LAMA4: variants seen among roughly 807,000 people sequenced by gnomAD.
LAMA4 encodes laminin subunit alpha 4.
LAMA4 carries 127 observed loss-of-function variants against 207.1 expected under a neutral mutation model. That is an observed-to-expected ratio of 0.61 (90% CI 0.53 to 0.71). LAMA4 has a LOEUF of 0.71. Ranked by LOEUF, LAMA4 falls within the 30% of genes least tolerant of loss-of-function variation. The pLI is 0.00. For missense variants in LAMA4, 2,093 were observed against 2,246.5 expected (o/e 0.93, Z 1.38); for synonymous variants, 761 against 816.0 (o/e 0.93, Z 1.15).
chr6:112,192,988 C>A (rs1554349564), intron 5 of LAMA4, among the ~76,000 whole-genome samples: 1 of 152,152 alleles, frequency 6.6e-6, no homozygotes, highest in Non-Finnish European at 1.5e-5. Context: ...TGATTCAAAC[C>A]TTGTAAGAGT....
intron 2 of LAMA4, chr6:112,234,812 T>A (rs1554365496): frequency 6.6e-6 from 1 of 152,218 alleles, no homozygotes; most frequent in African/African-American, 2.4e-5. Flanking sequence ...ATGTGCTTCA[T>A]CTGCCAAAGT....
At chr6:112,155,512 CAG>C in intron 15 of LAMA4, 51 bp downstream of exon 15, 1 of 1,600,420 alleles carries the variant, frequency 6.2e-7, no homozygotes, top group Non-Finnish European at 8.6e-7. Context: ...CATCAGAAAA[CAG>C]AAAAGCCAGT....
At chr6:112,208,120 T>A (rs1383383076) in intron 3 of LAMA4, among the ~76,000 whole-genome samples, 1 of 152,190 alleles carries the variant, frequency 6.6e-6, no homozygotes, top group Non-Finnish European at 1.5e-5. Flanking sequence ...CATCTTTACA[T>A]TCATCAGAGT....
rs77242689 is a variant in LAMA4, at chr6:112,148,364, T to G, written c.2174-28A>C. Reference sequence around the variant, plus strand: ...TTACACAGAGCACAGGGTCATTCACTTTGCAGAGAAGCCGGATATTTGTTG... The same window carrying G: ...TTACACAGAGCACAGGGTCATTCACGTTGCAGAGAAGCCGGATATTTGTTG... On this transcript the variant is annotated intron_variant, in intron 17 of 38. Coordinates refer to ENST00000230538, the MANE Select transcript of LAMA4 (RefSeq NM_001105206.3). 3,600 of 1,613,104 alleles carry G rather than the reference T, an allele frequency of 2.2e-3. 94 individuals carry two copies. The East Asian group carries it at 0.063, about 28-fold the overall frequency.
At chr6:112,254,898 T>C (rs900238141), upstream of LAMA4, 5 of 152,256 alleles carry the variant, frequency 3.3e-5, no homozygotes, top group African/African-American at 7.2e-5. Context: ...GGGTGCCCAC[T>C]TTCTTGAGCA....
In LAMA4 at chr6:112,137,311, C is replaced by T. The variant is rs534092156; in HGVS notation, c.3283-1057G>A. Among the ~76,000 whole-genome samples, 570 of 152,204 alleles carry T rather than the reference C, an allele frequency of 3.7e-3. 2 individuals are homozygous for T. The highest frequency in any genetic ancestry group is 0.013 in the African/African-American group (546 of 41,524). On this transcript the variant is annotated intron_variant, in intron 24 of 38. Coordinates refer to ENST00000230538, the MANE Select transcript of LAMA4 (RefSeq NM_001105206.3). Reference sequence around the variant, plus strand: ...TGTACATTCCTGGGAGTGTGGAAAGCAGCCTACTGGAGTTTAGGAAGAAAA... The same window carrying T: ...TGTACATTCCTGGGAGTGTGGAAAGTAGCCTACTGGAGTTTAGGAAGAAAA...
chr6:112,253,033 T>A (rs149177303), intron 2 of LAMA4, among the ~76,000 whole-genome samples: 12 of 152,374 alleles, frequency 7.9e-5, no homozygotes, highest in African/African-American at 2.6e-4. Context: ...AATCCATGCA[T>A]CAGTGATGTT....
At chr6:112,155,443 C>T (rs1456645150) in intron 15 of LAMA4, 122 bp downstream of exon 15, 73 of 1,088,114 alleles carry the variant, frequency 6.7e-5, no homozygotes, top group Non-Finnish European at 9.5e-5. Context: ...TCCCTTAGTT[C>T]CCCTGCCTTT....
At position 112,191,757 on chromosome 6, in the gene LAMA4, A is replaced by G. The variant is rs1416230755; in HGVS notation, c.597T>C (p.Phe199=). 6.2e-7 allele frequency: 1 copy of G among 1,613,998 alleles called. No homozygotes were observed. Among genetic ancestry groups the G allele is most frequent in the Non-Finnish European group, 8.5e-7 (1 of 1,179,966 alleles). The change falls in exon 6 of 39, where the codon TTT becomes TTC. Residue 199 remains phenylalanine, a synonymous_variant. Transcript: ENST00000230538. ...CSGNSDPNLI[F]EDCDEVTGQC... ...GGCCAGTGACTTCATCACAATCTTCAAAGATCAGGTTGGGATCTGAATTTC... is the reference window on the plus strand; with the variant it reads ...GGCCAGTGACTTCATCACAATCTTCGAAGATCAGGTTGGGATCTGAATTTC...
intron 8 of LAMA4, chr6:112,186,681 T>C (rs558047111): frequency 4.2e-4 from 179 of 421,428 alleles, no homozygotes; most frequent in African/African-American, 3.5e-3. Context: ...ATACCACTTA[T>C]AATACTAACA....
chr6:112,222,017 T>G (rs1784952009), intron 2 of LAMA4, among the ~76,000 whole-genome samples: 1 of 152,212 alleles, frequency 6.6e-6, no homozygotes, highest in African/African-American at 2.4e-5. Flanking sequence ...TTTGCTAACT[T>G]TTGGCTCCAT....
chr6:112,223,791 G>C (rs1785050209), intron 2 of LAMA4, among the ~76,000 whole-genome samples: 1 of 152,176 alleles, frequency 6.6e-6, no homozygotes, highest in African/African-American at 2.4e-5. Context: ...TTCCTCACAG[G>C]TTTTTGCATC....
At position 112,242,789 on chromosome 6, in the gene LAMA4, C is replaced by A. The variant is rs1242415136; in HGVS notation, c.195+11167G>T. On this transcript the variant is annotated intron_variant, in intron 2 of 38. Coordinates refer to ENST00000230538, the MANE Select transcript of LAMA4 (RefSeq NM_001105206.3). ...TCCACATGTTGTGTTCTGCAAGATTCTTCTTTACATTGTTATTAAGATTTA... is the reference window on the plus strand; with the variant it reads ...TCCACATGTTGTGTTCTGCAAGATTATTCTTTACATTGTTATTAAGATTTA... 3.9e-5 allele frequency among the ~76,000 whole-genome samples: 6 copies of A among 152,326 alleles called. No individual in the cohort carries two copies. The East Asian group carries it at 1.2e-3, about 29-fold the overall frequency.
At chr6:112,128,069 AG>A (rs1778806122) in intron 31 of LAMA4, among the ~76,000 whole-genome samples, 2 of 152,220 alleles carry the variant, frequency 1.3e-5, no homozygotes, top group Non-Finnish European at 2.9e-5. Flanking sequence ...GGGTAAGATC[AG>A]AAACTTGAAT....
chr6:112,201,545 G>A, intron 5 of LAMA4, 63 bp downstream of exon 5: 1 of 1,287,798 alleles, frequency 7.8e-7, no homozygotes, highest in Non-Finnish European at 1.1e-6. Context: ...CAGAGCTGTT[G>A]AGTGTGAGAA....
intron 32 of LAMA4, 124 bp downstream of exon 32, chr6:112,121,890 T>C: frequency 1.2e-6 from 1 of 806,644 alleles, no homozygotes. Flanking sequence ...TTTATTTTGG[T>C]GATAACATAA....
chr6:112,132,912 G>A (rs1779124221), intron 27 of LAMA4, 22 bp from the exon 28 acceptor site: 1 of 1,611,234 alleles, frequency 6.2e-7, no homozygotes. Flanking sequence ...AACAAGTGGA[G>A]ATAGTGTTTT....
intron 14 of LAMA4, among the ~76,000 whole-genome samples, 192 bp downstream of exon 14, chr6:112,158,540 A>G (rs1319703168): frequency 6.6e-6 from 1 of 151,368 alleles, no homozygotes; most frequent in Non-Finnish European, 1.5e-5. Flanking sequence ...CTCAGATGGA[A>G]CAACCAACCA....
At chr6:112,247,653 CAAT>C (rs1386243110) in intron 2 of LAMA4, among the ~76,000 whole-genome samples, 1 of 152,154 alleles carries the variant, frequency 6.6e-6, no homozygotes, top group Non-Finnish European at 1.5e-5. Flanking sequence ...TAGATTCACT[CAAT>C]TCTTTTTTAC....
Sources: gnomAD v4.1 joint callset for allele counts (sites outside exome capture counted in the v4.1 genomes callset) on GRCh38, gnomAD v4.1.1 for gene constraint, MANE v1.5 for transcripts, NCBI Gene and HGNC (gene_info 2026-07-23, HGNC 2026-07-21) for gene names.